GRID2: variants seen among roughly 807,000 people sequenced by gnomAD.
GRID2 encodes the protein glutamate ionotropic receptor delta type subunit 2, also known as glutamate receptor ionotropic, delta-2.
In GRID2, 33 loss-of-function variants were observed where a neutral mutation model predicts 114.8. The ratio of observed to expected loss-of-function variants is 0.29; its 90% CI spans 0.22 to 0.38. The LOEUF is 0.38. Ranked by LOEUF, GRID2 falls within the 10% of genes least tolerant of loss-of-function variation. The pLI is 1.00. For synonymous variants in GRID2, 505 were observed against 449.9 expected, an observed-to-expected ratio of 1.12 and a Z score of -1.55; for missense variants, 1,184 against 1,257.7, an observed-to-expected ratio of 0.94 and a Z score of 0.89.
At chr4:93,596,962 A>G (rs949876384) in intron 13 of GRID2, among the ~76,000 whole-genome samples, 2 of 152,208 alleles carry the variant, frequency 1.3e-5, no homozygotes, top group Admixed American at 6.5e-5. Context: ...TTTTGATGCA[A>G]TGTTCAAGTG....
intron 1 of GRID2, among the ~76,000 whole-genome samples, chr4:92,361,191 G>C (rs946895002): frequency 6.6e-6 from 1 of 151,808 alleles, no homozygotes; most frequent in Non-Finnish European, 1.5e-5. Flanking sequence ...GACCTTTCTA[G>C]GAGGCAAATT....
chr4:92,944,100 C>T (rs568653072), intron 2 of GRID2, among the ~76,000 whole-genome samples: 1 of 152,330 alleles, frequency 6.6e-6, no homozygotes, highest in South Asian at 2.1e-4. Flanking sequence ...CCACTACTCT[C>T]TTCAAAGCTG....
chr4:93,325,501 G>T (rs200847135), intron 8 of GRID2, among the ~76,000 whole-genome samples: 1 of 151,420 alleles, frequency 6.6e-6, no homozygotes, highest in South Asian at 2.1e-4. Flanking sequence ...ATCTCCCTCT[G>T]TTGTTTTCTA....
intron 14 of GRID2, among the ~76,000 whole-genome samples, chr4:93,713,883 C>T (rs924210950): frequency 1.3e-5 from 2 of 152,106 alleles, no homozygotes; most frequent in Non-Finnish European, 2.9e-5. Context: ...AATACTGCAT[C>T]CTCAATCTAT....
chr4:92,491,595 C>T (rs62310672), intron 1 of GRID2, among the ~76,000 whole-genome samples: 42,805 of 151,866 alleles, frequency 0.28, 6,059 homozygotes, highest in Middle Eastern at 0.33. Flanking sequence ...TCTTATTAAA[C>T]TGATTTTTTT....
At chr4:93,733,706 G>A (rs1048605136) in intron 14 of GRID2, among the ~76,000 whole-genome samples, 7 of 151,926 alleles carry the variant, frequency 4.6e-5, no homozygotes, top group African/African-American at 1.7e-4. Flanking sequence ...TATCAATCGT[G>A]ATCAAAAAGT....
At chr4:92,473,004 A>G (rs916313616) in intron 1 of GRID2, among the ~76,000 whole-genome samples, 1 of 151,916 alleles carries the variant, frequency 6.6e-6, no homozygotes, top group Non-Finnish European at 1.5e-5. Flanking sequence ...GATTTTTTCT[A>G]TGCTTATTTC....
At chr4:92,942,515 C>T (rs1416396650) in intron 2 of GRID2, among the ~76,000 whole-genome samples, 1 of 152,136 alleles carries the variant, frequency 6.6e-6, no homozygotes, top group African/African-American at 2.4e-5. Flanking sequence ...GGTCTTGACT[C>T]TTTATCCAAT....
chr4:93,761,180 A>G (rs929878403), intron 14 of GRID2, among the ~76,000 whole-genome samples: 22 of 152,176 alleles, frequency 1.4e-4, no homozygotes, highest in African/African-American at 5.3e-4. Context: ...GTCATAACAG[A>G]TATTACTACA....
At chr4:93,028,406 G>GGA (rs138637949) in intron 2 of GRID2, among the ~76,000 whole-genome samples, 1 of 151,666 alleles carries the variant, frequency 6.6e-6, no homozygotes, top group Non-Finnish European at 1.5e-5. Flanking sequence ...ACGCTGCTTG[G>GGA]GAGAGAGAGA....
At chr4:92,570,683 T>A (rs1727566639) in intron 1 of GRID2, among the ~76,000 whole-genome samples, 1 of 147,066 alleles carries the variant, frequency 6.8e-6, no homozygotes, top group Non-Finnish European at 1.5e-5. Context: ...CCTTGTTATC[T>A]CCTAGGTATT....
At chr4:93,275,746 CGTT>C (rs777325241) in intron 8 of GRID2, among the ~76,000 whole-genome samples, 54 of 151,744 alleles carry the variant, frequency 3.6e-4, no homozygotes, top group Non-Finnish European at 6.0e-4. Context: ...TTCCTGTGCT[CGTT>C]GGCCATTTAT....
chr4:93,157,410 TATTA>T (rs1737288554), intron 4 of GRID2, among the ~76,000 whole-genome samples: 1 of 151,654 alleles, frequency 6.6e-6, no homozygotes, highest in African/African-American at 2.4e-5. Context: ...TTTAAAATAT[TATTA>T]ATTTTATCAT....
intron 14 of GRID2, among the ~76,000 whole-genome samples, chr4:93,690,388 T>C (rs1458015566): frequency 2.0e-5 from 3 of 152,010 alleles, no homozygotes; most frequent in Non-Finnish European, 2.9e-5. Context: ...TTCATTATTT[T>C]TGTAATTTAA....
intron 9 of GRID2, among the ~76,000 whole-genome samples, chr4:93,419,990 A>C (rs569316499): frequency 6.6e-6 from 1 of 152,108 alleles, no homozygotes; most frequent in Non-Finnish European, 1.5e-5. Flanking sequence ...TGTCATATCG[A>C]AGAGTGTTAT....
In GRID2 at chr4:93,098,334, G is replaced by A. The variant is rs1731404174; in HGVS notation, c.530-12414G>A. Among the ~76,000 whole-genome samples, 3 of 152,070 alleles carry A rather than the reference G, an allele frequency of 2.0e-5. No homozygotes were observed. The South Asian group carries it at 6.2e-4, about 31-fold the overall frequency. On this transcript the variant is annotated intron_variant, in intron 3 of 15. Coordinates refer to ENST00000282020, the MANE Select transcript of GRID2 (RefSeq NM_001510.4). ...TTCCAAGAGGAGGCATTGTCAAACA[G>A]GTGGATTATGGTATTGAAAGAGGCT...
At chr4:92,979,235 A>G (rs779120284) in intron 2 of GRID2, among the ~76,000 whole-genome samples, 2 of 151,970 alleles carry the variant, frequency 1.3e-5, no homozygotes, top group South Asian at 2.1e-4. Context: ...TGAAAAGGTA[A>G]TATTCTGGAT....
At chr4:92,459,806 C>G (rs1424414783) in intron 1 of GRID2, among the ~76,000 whole-genome samples, 1 of 151,418 alleles carries the variant, frequency 6.6e-6, no homozygotes, top group Non-Finnish European at 1.5e-5. Flanking sequence ...AGTAGACTTA[C>G]AGTAAAGCAG....
intron 2 of GRID2, among the ~76,000 whole-genome samples, chr4:92,605,495 CATAAA>C (rs1729413587): frequency 6.6e-6 from 1 of 151,882 alleles, no homozygotes; most frequent in African/African-American, 2.4e-5. Flanking sequence ...AAACAAGTGA[CATAAA>C]ATAATGATAC....
Sources: allele counts gnomAD v4.1 joint callset (sites outside exome capture counted in the v4.1 genomes callset), GRCh38; gene constraint gnomAD v4.1.1; transcripts MANE v1.5; gene names NCBI Gene and HGNC (gene_info 2026-07-23, HGNC 2026-07-21).